RAB26: variants seen among roughly 807,000 people sequenced by gnomAD.
The protein encoded by RAB26 is RAB26, member RAS oncogene family.
RAB26 carries 39 observed loss-of-function variants against 33.1 expected under a neutral mutation model. That is an observed-to-expected ratio of 1.18 (90% CI 0.91 to 1.54). The LOEUF (loss-of-function observed/expected upper bound fraction) is 1.54, where lower values mean the gene tolerates loss of function less well. Among genes scored for constraint, RAB26 ranks in the 40% most tolerant of loss-of-function variants. RAB26 has a pLI of 0.00. For missense variants in RAB26, 468 were observed against 362.9 expected, an observed-to-expected ratio of 1.29 and a Z score of -2.35; for synonymous variants, 192 against 151.9, an observed-to-expected ratio of 1.26 and a Z score of -1.94.
At position 2,152,034 on chromosome 16, in the gene RAB26, C is replaced by A; in HGVS notation, c.468+126C>A. Reference sequence around the variant, plus strand: ...AGAGAGGGGAGGGGGAAATGACAGCCTTCTGGGCTGGAGGTGGCCCAAGTG... The same window carrying A: ...AGAGAGGGGAGGGGGAAATGACAGCATTCTGGGCTGGAGGTGGCCCAAGTG... On this transcript the variant is annotated intron_variant, in intron 5 of 8. Coordinates refer to ENST00000210187, the MANE Select transcript of RAB26 (RefSeq NM_014353.5). 6 of 1,355,714 alleles carry A rather than the reference C, an allele frequency of 4.4e-6. No individual in the cohort carries two copies. The South Asian group carries it at 7.6e-5, about 17-fold the overall frequency. 84.0% of individuals were successfully genotyped at this position (1,355,714 alleles called of 1,614,324 possible).
In RAB26 at chr16:2,151,635, T is replaced by C. The variant is rs185868549; in HGVS notation, c.348+25T>C. On this transcript the variant is annotated intron_variant, in intron 3 of 8. Coordinates refer to ENST00000210187, the MANE Select transcript of RAB26 (RefSeq NM_014353.5). The stretch of plus-strand genomic sequence containing the variant: ...GGTAAGGTGACTGGCAGAGGACAAG[T>C]TGGGGGACAGGGGACACCAGGGAAG... 143 of 1,613,934 alleles carry C rather than the reference T, an allele frequency of 8.9e-5. No homozygotes were observed. In the African/African-American group the frequency reaches 1.6e-3, roughly 18 times the overall value.
intron 2 of RAB26, chr16:2,151,344 A>T: frequency 1.6e-6 from 1 of 632,588 alleles, no homozygotes; most frequent in South Asian, 1.8e-5. Context: ...TCATGAGTTC[A>T]AATAAGTCAG....
At chr16:2,153,259 G>C (rs1486626165) in intron 8 of RAB26, 37 bp downstream of exon 8, 1 of 1,613,556 alleles carries the variant, frequency 6.2e-7, no homozygotes. Context: ...CCCCAGCCCA[G>C]GGCCTGAATC....
intron 5 of RAB26, 140 bp from the exon 6 acceptor site, chr16:2,152,675 AGGGCG>A: frequency 4.8e-6 from 3 of 626,068 alleles, no homozygotes; most frequent in Non-Finnish European, 7.4e-6. Flanking sequence ...CCTGGGAAAC[AGGGCG>A]AGACTCTTGT....
intron 6 of RAB26, 38 bp from the exon 7 acceptor site, chr16:2,152,951 A>G (rs1263672909): frequency 1.3e-6 from 2 of 1,583,000 alleles, no homozygotes; most frequent in Admixed American, 1.8e-5. Context: ...GGGGCCAACC[A>G]TGGGCCAGCT....
At position 2,149,977 on chromosome 16, in the gene RAB26, T is replaced by C; in HGVS notation, c.232T>C (p.Cys78Arg). The C allele has an allele frequency of 8.4e-6, 13 of 1,542,144 alleles. No individual in the cohort carries two copies. Among genetic ancestry groups the C allele is most frequent in the Non-Finnish European group, 1.1e-5 (13 of 1,142,628 alleles). The part of the protein sequence containing the change: ...LVGDSGVGKT[C>R]LLVRFKDGAF... ...GGGGGACTCGGGTGTGGGGAAGACC[T>C]GTCTGCTGGTGCGATTCAAGGATGG... The change falls in exon 2 of 9, where the codon TGT (cysteine) becomes CGT (arginine). Residue 78 changes from cysteine to arginine, a missense_variant. Transcript: ENST00000210187.
At chr16:2,149,795 GT>G in intron 1 of RAB26, 145 bp from the exon 2 acceptor site, 1 of 573,226 alleles carries the variant, frequency 1.7e-6, no homozygotes, top group Non-Finnish European at 3.0e-6. Context: ...CATACGCTGG[GT>G]GTCCAGCCCA....
In RAB26 at chr16:2,152,766, G is replaced by A. The variant is rs1309909440; in HGVS notation, c.469-54G>A. 7 of 1,538,560 alleles carry A rather than the reference G, an allele frequency of 4.5e-6. No homozygotes were observed. In the African/African-American group the frequency reaches 6.9e-5, roughly 15 times the overall value. Reference sequence around the variant, plus strand: ...TGTGACCTGGAGGGCCAAAGTTCTGGGGCATGGGGCAAGCCATGCAGGGAG... The same window carrying A: ...TGTGACCTGGAGGGCCAAAGTTCTGAGGCATGGGGCAAGCCATGCAGGGAG... On this transcript the variant is annotated intron_variant, in intron 5 of 8. Coordinates refer to ENST00000210187, the MANE Select transcript of RAB26 (RefSeq NM_014353.5).
chr16:2,150,082 C>A, intron 2 of RAB26, 31 bp downstream of exon 2: 1 of 1,513,024 alleles, frequency 6.6e-7, no homozygotes. Flanking sequence ...GGCCCCACAT[C>A]AGAGTCCCGC....
chr16:2,150,176 C>T, intron 2 of RAB26, 125 bp downstream of exon 2: 2 of 797,382 alleles, frequency 2.5e-6, no homozygotes, highest in South Asian at 1.8e-5. Flanking sequence ...CTGCCTCGAC[C>T]TTCCAACACC....
At chr16:2,149,724 C>A (rs905116868) in intron 1 of RAB26, among the ~76,000 whole-genome samples, 1 of 152,212 alleles carries the variant, frequency 6.6e-6, no homozygotes, top group Non-Finnish European at 1.5e-5. Context: ...GCTGCCCTCA[C>A]TCCCCGCTGA....
Position 2,153,352 on chromosome 16 carries a change from C to T in RAB26, c.702C>T (p.Ser234=), listed in dbSNP as rs765777706. Residue 234 remains serine, a synonymous_variant, in exon 9 of 9, where the codon AGC becomes AGT. Transcript: ENST00000210187. ...ELKQRSMKAP[S]EPRFRLHDYV... ...AGCAGCGCTCCATGAAGGCTCCCAG[C>T]GAGCCGCGCTTCCGGCTGCATGATT... 4.0e-5 allele frequency: 65 copies of T among 1,613,342 alleles called. No individual in the cohort carries two copies. Among genetic ancestry groups the T allele is most frequent in the Non-Finnish European group, 5.2e-5 (61 of 1,180,032 alleles).
Position 2,153,459 on chromosome 16 carries a change from G to A in RAB26, c.*38G>A, listed in dbSNP as rs756442985. ...TCAGTCCTCTGGAGGAAGCCGTCCA[G>A]TCCCTAGAAGGCTGGACAGAGGGTC... On this transcript the variant is annotated 3_prime_UTR_variant, in exon 9 of 9. Coordinates refer to ENST00000210187, the MANE Select transcript of RAB26 (RefSeq NM_014353.5). The A allele has an allele frequency of 1.3e-6, 2 of 1,587,300 alleles. No homozygotes were observed. The highest frequency in any genetic ancestry group is 1.7e-6 in the Non-Finnish European group (2 of 1,157,672).
chr16:2,153,385 G>A lies in RAB26; in HGVS notation c.735G>A (p.Lys245=), dbSNP rs752054914. 3.7e-6 allele frequency: 6 copies of A among 1,613,402 alleles called. No homozygotes were observed. The highest frequency in any genetic ancestry group is 5.1e-6 in the Non-Finnish European group (6 of 1,180,028). ...EPRFRLHDYV[K]REGRGASCCR... Reference sequence around the variant, plus strand: ...GCTTCCGGCTGCATGATTACGTTAAGAGGGAGGGTCGAGGGGCCTCCTGCT... The same window carrying A: ...GCTTCCGGCTGCATGATTACGTTAAAAGGGAGGGTCGAGGGGCCTCCTGCT... Residue 245 remains lysine (K), a synonymous_variant, in exon 9 of 9, where the codon AAG becomes AAA. Transcript: ENST00000210187.
At chr16:2,150,664 G>A (rs1045800370) in intron 2 of RAB26, among the ~76,000 whole-genome samples, 4 of 85,038 alleles carry the variant, frequency 4.7e-5, no homozygotes, top group East Asian at 6.1e-4. Flanking sequence ...GGGATGGAGT[G>A]ACGACTGAAG....
chr16:2,152,428 T>C (rs190898793), intron 5 of RAB26, among the ~76,000 whole-genome samples: 1 of 151,906 alleles, frequency 6.6e-6, no homozygotes, highest in Admixed American at 6.5e-5. Context: ...TCCCACCACC[T>C]TGGGAGGCTG....
chr16:2,153,451 G>A lies in RAB26; in HGVS notation c.*30G>A, dbSNP rs2093014008. 1 of 1,604,026 alleles carries A rather than the reference G, an allele frequency of 6.2e-7. No homozygotes were observed. The highest frequency in any genetic ancestry group is 8.5e-7 in the Non-Finnish European group (1 of 1,172,290). On this transcript the variant is annotated 3_prime_UTR_variant, in exon 9 of 9. Transcript: ENST00000210187. ...GGCTGAGCTCAGTCCTCTGGAGGAA[G>A]CCGTCCAGTCCCTAGAAGGCTGGAC...
rs529533871 is a variant in RAB26, at chr16:2,153,358, G to A, written c.708G>A (p.Pro236=). 56 of 1,613,496 alleles carry A rather than the reference G, an allele frequency of 3.5e-5. No individual in the cohort carries two copies. In the South Asian group the frequency reaches 3.6e-4, roughly 10 times the overall value. ...GCTCCATGAAGGCTCCCAGCGAGCC[G>A]CGCTTCCGGCTGCATGATTACGTTA... ...KQRSMKAPSE[P]RFRLHDYVKR... Residue 236 remains proline (P), a synonymous_variant, in exon 9 of 9, where the codon CCG becomes CCA. Transcript: ENST00000210187.
chr16:2,153,320 G>A lies in RAB26; in HGVS notation c.670G>A (p.Glu224Lys), dbSNP rs2093013084. Reference protein sequence around the residue: ...VDLAFTAIAKELKQRSMKAPS... With the variant: ...VDLAFTAIAKKLKQRSMKAPS... ...CCCCTTGTCACCCCCACTCCGCAGGGAGTTGAAGCAGCGCTCCATGAAGGC... is the reference window on the plus strand; with the variant it reads ...CCCCTTGTCACCCCCACTCCGCAGGAAGTTGAAGCAGCGCTCCATGAAGGC... Residue 224 changes from glutamate to lysine, a missense_variant and splice_region_variant, in exon 9 of 9, where the codon GAG becomes AAG. Glu to Lys is a moderately conservative substitution (Grantham distance 56). Transcript: ENST00000210187. 1.2e-6 allele frequency: 2 copies of A among 1,613,552 alleles called. No individual in the cohort carries two copies. Among genetic ancestry groups the A allele is most frequent in the Non-Finnish European group, 1.7e-6 (2 of 1,180,004 alleles).
Sources: allele counts gnomAD v4.1 joint callset (sites outside exome capture counted in the v4.1 genomes callset), GRCh38; gene constraint gnomAD v4.1.1; transcripts MANE v1.5; gene names NCBI Gene and HGNC (gene_info 2026-07-23, HGNC 2026-07-21).